PHC2: variants seen among roughly 807,000 people sequenced by gnomAD.
PHC2 encodes polyhomeotic-like protein 2.
In PHC2, 29 loss-of-function variants were observed where a neutral mutation model predicts 87.4. The observed-to-expected ratio is 0.33, with a 90% CI of 0.25 to 0.45. PHC2 has a LOEUF of 0.45. Among genes scored for constraint, PHC2 ranks in the 20% least tolerant of loss-of-function variants. The pLI is 1.00. For synonymous variants in PHC2, 438 were observed against 461.7 expected (o/e 0.95, Z 0.66); for missense variants, 857 against 1,136.7 (o/e 0.75, Z 3.54).
In PHC2 at chr1:33,369,681, G is replaced by A. The variant is rs532564352; in HGVS notation, c.576+740C>T. 1.5e-3 allele frequency among the ~76,000 whole-genome samples: 223 copies of A among 152,148 alleles called. 1 individual carries two copies. Among genetic ancestry groups the A allele is most frequent in the Non-Finnish European group, 2.5e-3 (173 of 68,024 alleles). On this transcript the variant is annotated intron_variant, in intron 5 of 14. Coordinates refer to ENST00000683057, the MANE Select transcript of PHC2 (RefSeq NM_001385109.1). The surrounding 1 kb of genome is among the most constrained non-coding windows in gnomAD (Gnocchi z 4.7). ...GGAGGGGTGGGACTGTGTTACTTTC[G>A]GGATAGTGTGTCAAGAGCCCGAAGG...
At chr1:33,399,822 G>A (rs1206785102) in intron 1 of PHC2, among the ~76,000 whole-genome samples, 1 of 151,884 alleles carries the variant, frequency 6.6e-6, no homozygotes, top group Non-Finnish European at 1.5e-5. Context: ...GGGCAGGGTT[G>A]GGGGAGCTTT....
chr1:33,368,574 C>T lies in PHC2; in HGVS notation c.625G>A (p.Gly209Ser), dbSNP rs531870057. 23 of 1,549,886 alleles carry T rather than the reference C, an allele frequency of 1.5e-5. No homozygotes were observed. Among genetic ancestry groups the T allele is most frequent in the Middle Eastern group, 1.7e-4 (1 of 5,864 alleles). ...ATVATVQPEL[G>S]TGSPARPPTP... ...GGGGGCCGGGCGGGGGAGCCAGTGC[C>T]GAGCTCAGGCTGCACAGTAGCGACG... is the stretch of plus-strand genomic sequence containing the variant. Residue 209 changes from glycine (G) to serine (S), a missense_variant, in exon 6 of 15, where the codon GGC becomes AGC. By Grantham distance (56) the Gly-to-Ser change is moderately conservative. Around this residue, in one of 3 missense-constraint regions of PHC2, gnomAD observed 832 missense variants for 1,081.8 expected, o/e 0.77. Transcript: ENST00000683057. The surrounding 1 kb of genome is among the most constrained non-coding windows in gnomAD (Gnocchi z 6.6).
intron 1 of PHC2, among the ~76,000 whole-genome samples, chr1:33,378,029 T>C (rs558454236): frequency 1.3e-5 from 2 of 152,366 alleles, no homozygotes; most frequent in East Asian, 3.9e-4. Flanking sequence ...TTCATATGTC[T>C]GCTTTTACTG....
chr1:33,360,132 G>A (rs746984077), intron 7 of PHC2, among the ~76,000 whole-genome samples: 1 of 152,244 alleles, frequency 6.6e-6, no homozygotes, highest in Non-Finnish European at 1.5e-5. Flanking sequence ...GGGGTCAGGA[G>A]GAGTTTGAGA....
In PHC2 at chr1:33,367,302, T is replaced by G. The variant is rs767527812; in HGVS notation, c.790A>C (p.Thr264Pro). Residue 264 changes from threonine to proline, a missense_variant, in exon 7 of 15, where the codon ACC (threonine) becomes CCC (proline). By Grantham distance (38) the Thr-to-Pro change is conservative (BLOSUM62 -1). Transcript: ENST00000683057. Reference protein sequence around the residue: ...PTPGGSQPLPTPAQSRNTAQA... With the variant: ...PTPGGSQPLPPPAQSRNTAQA... ...GCAGTATTTCTGCTCTGTGCTGGGG[T>G]AGGCAGAGGCTGGCTACCGCCCGGC... The G allele has an allele frequency of 6.2e-7, 1 of 1,613,380 alleles. No homozygotes were observed. Among genetic ancestry groups the G allele is most frequent in the African/African-American group, 1.3e-5 (1 of 74,898 alleles).
chr1:33,333,015 C>T (rs777194193), intron 10 of PHC2, among the ~76,000 whole-genome samples: 8 of 152,150 alleles, frequency 5.3e-5, no homozygotes, highest in Non-Finnish European at 1.0e-4. Flanking sequence ...TAGCCAGTCA[C>T]GTGGCACCGA....
chr1:33,390,701 T>C (rs906567198), intron 1 of PHC2, among the ~76,000 whole-genome samples: 24 of 134,012 alleles, frequency 1.8e-4, no homozygotes, highest in African/African-American at 6.9e-4. Context: ...TTTTTTTTTT[T>C]CTCTGTAAAG....
chr1:33,414,794 A>C (rs949297841), intron 1 of PHC2, among the ~76,000 whole-genome samples: 1 of 152,210 alleles, frequency 6.6e-6, no homozygotes, highest in Non-Finnish European at 1.5e-5. Context: ...CTACTTTTTA[A>C]CTATTCACAA....
chr1:33,389,316 T>C (rs1002409823), intron 1 of PHC2, among the ~76,000 whole-genome samples: 9 of 152,238 alleles, frequency 5.9e-5, no homozygotes, highest in African/African-American at 2.2e-4. Flanking sequence ...ACATTCTTCT[T>C]GGGGATATTG....
At chr1:33,403,637 A>T (rs1570509473) in intron 1 of PHC2, among the ~76,000 whole-genome samples, 1 of 152,240 alleles carries the variant, frequency 6.6e-6, no homozygotes, top group Non-Finnish European at 1.5e-5. Context: ...ATGAAAAATC[A>T]TATCAAATAT....
intron 9 of PHC2, among the ~76,000 whole-genome samples, chr1:33,336,392 C>G (rs878864402): frequency 1.3e-5 from 2 of 152,086 alleles, no homozygotes; most frequent in Non-Finnish European, 1.5e-5. Context: ...CTCAGTCCTC[C>G]ATAATTCAGC....
At chr1:33,373,420 C>T (rs1002557158) in intron 2 of PHC2, among the ~76,000 whole-genome samples, 1 of 152,082 alleles carries the variant, frequency 6.6e-6, no homozygotes, top group Non-Finnish European at 1.5e-5. Flanking sequence ...TGTGCCCGGC[C>T]CCCTTTAATT....
At chr1:33,412,056 A>G (rs369210641) in intron 1 of PHC2, among the ~76,000 whole-genome samples, 3 of 152,342 alleles carry the variant, frequency 2.0e-5, no homozygotes, top group East Asian at 3.9e-4. Context: ...TGGCCATTCA[A>G]TTGTCTATTC....
In PHC2 at chr1:33,332,504, G is replaced by A; in HGVS notation, c.1762-100C>T. The A allele has an allele frequency of 7.1e-7, 1 of 1,402,178 alleles. No individual in the cohort carries two copies. Among genetic ancestry groups the A allele is most frequent in the Non-Finnish European group, 1.0e-6 (1 of 1,002,630 alleles). The allele number at this position is 1,402,178 out of a possible 1,614,324, so 86.9% of individuals were successfully genotyped here. A position where few individuals can be genotyped will look rare whatever the true frequency, so the allele number is the denominator to read the frequency against. On this transcript the variant is annotated intron_variant, in intron 10 of 14. Transcript: ENST00000683057. This position sits in a 1 kb window ranked among gnomAD's most constrained non-coding sequence, Gnocchi z 4.2. ...TACACGTATAAAGTATCCAGGCACA[G>A]AGGCCAGCCCTCCTCAAACCTTCCC...
intron 7 of PHC2, among the ~76,000 whole-genome samples, chr1:33,365,201 A>G (rs1175227235): frequency 6.6e-6 from 1 of 152,218 alleles, no homozygotes; most frequent in African/African-American, 2.4e-5. Flanking sequence ...GGATAAAGAC[A>G]GCTACCGGAC....
intron 1 of PHC2, among the ~76,000 whole-genome samples, chr1:33,393,848 G>A (rs1649183798): frequency 6.6e-6 from 1 of 151,756 alleles, no homozygotes; most frequent in Admixed American, 6.6e-5. Flanking sequence ...TACTGATTTG[G>A]AGTTTTACAT....
At chr1:33,417,059 G>A (rs1650241640) in intron 1 of PHC2, among the ~76,000 whole-genome samples, 1 of 151,944 alleles carries the variant, frequency 6.6e-6, no homozygotes, top group African/African-American at 2.4e-5. Flanking sequence ...ATATTATTTG[G>A]AGATAGATAG....
chr1:33,407,160 G>A (rs1009865646), intron 1 of PHC2, among the ~76,000 whole-genome samples: 3 of 152,138 alleles, frequency 2.0e-5, no homozygotes, highest in Non-Finnish European at 1.5e-5. Flanking sequence ...TTCCCTTCTT[G>A]CAGATATTTT....
At chr1:33,326,455 C>T (rs2148179862) in intron 14 of PHC2, 1 of 152,710 alleles carries the variant, frequency 6.5e-6, no homozygotes, top group Admixed American at 6.5e-5. Context: ...GCATGCCTCG[C>T]AGATCCTCTT....
Sources: allele counts gnomAD v4.1 joint callset (sites outside exome capture counted in the v4.1 genomes callset), GRCh38; gene constraint gnomAD v4.1.1; regional missense constraint gnomAD v4.1.1; non-coding constraint Gnocchi (gnomAD v3.1); transcripts MANE v1.5; gene names NCBI Gene and HGNC (gene_info 2026-07-23, HGNC 2026-07-21).